The following CHEK1 variants were observed in gnomAD, a reference collection of about 807,000 sequenced individuals.
The protein encoded by CHEK1 is serine/threonine-protein kinase Chk1.
Under a neutral mutation model 60.2 loss-of-function variants are expected in CHEK1, and 32 were observed. That is an observed-to-expected ratio of 0.53 (90% CI 0.40 to 0.71). The LOEUF (loss-of-function observed/expected upper bound fraction) is 0.71. Among genes scored for constraint, CHEK1 ranks in the 30% least tolerant of loss-of-function variants. The probability of loss-of-function intolerance (pLI) is 0.00; values close to 1 mark genes in which losing one functional copy is unlikely to be tolerated. For synonymous variants in CHEK1, 179 were observed against 187.2 expected, an observed-to-expected ratio of 0.96 and a Z score of 0.36; for missense variants, 399 against 564.6, an observed-to-expected ratio of 0.71 and a Z score of 2.97.
intron 11 of CHEK1, among the ~76,000 whole-genome samples, chr11:125,652,891 C>T (rs1419785089): frequency 6.6e-6 from 1 of 152,152 alleles, no homozygotes; most frequent in Admixed American, 6.5e-5. Flanking sequence ...GTATAGTCAT[C>T]CTACAGTGGT....
At chr11:125,626,044 G>C (rs932093933) in intron 1 of CHEK1, 32 bp downstream of exon 1, 2 of 690,922 alleles carry the variant, frequency 2.9e-6, no homozygotes, top group African/African-American at 1.8e-5. Context: ...AGTAGGGAAG[G>C]TTTCTAAAGA....
downstream of CHEK1, chr11:125,680,814 G>A (rs372351446): frequency 2.0e-5 from 32 of 1,579,936 alleles, no homozygotes; most frequent in Middle Eastern, 3.3e-4. Context: ...CCCAGTGTGG[G>A]CCACAGCTTC....
At position 125,626,840 on chromosome 11, in the gene CHEK1, TC is replaced by T; in HGVS notation, c.65+8del. 1 of 1,614,128 alleles carries T rather than the reference TC, an allele frequency of 6.2e-7. No homozygotes were observed. The highest frequency in any genetic ancestry group is 8.5e-7 in the Non-Finnish European group (1 of 1,179,976). ...GAGAAGGTGCCTATGGAGAGTGAGT[TC>T]TTTTAAGCTTGCCTTCGTTTTCTGA... is the stretch of plus-strand genomic sequence containing the variant. On this transcript the variant is annotated splice_region_variant and intron_variant, in intron 2 of 12. Transcript: ENST00000438015.
chr11:125,639,382 CT>C (rs367756024), intron 8 of CHEK1, among the ~76,000 whole-genome samples: 59 of 106,372 alleles, frequency 5.5e-4, no homozygotes, highest in East Asian at 2.8e-3. Flanking sequence ...ATACTTTTCT[CT>C]TTTTTTTTTT....
chr11:125,636,097 A>G (rs1941064043), intron 7 of CHEK1: 1 of 152,140 alleles, frequency 6.6e-6, no homozygotes, highest in Non-Finnish European at 1.5e-5. Flanking sequence ...ATTATAATCT[A>G]ATGGGACTGT....
At chr11:125,676,285 A>C, downstream of CHEK1, 2 of 1,564,890 alleles carry the variant, frequency 1.3e-6, no homozygotes, top group Non-Finnish European at 1.8e-6. Flanking sequence ...GGCCCCTGTC[A>C]TTCCAACTGC....
At chr11:125,672,698 C>A (rs890717192) in intron 13 of CHEK1, 1 of 1,614,108 alleles carries the variant, frequency 6.2e-7, no homozygotes, top group Admixed American at 1.7e-5. Flanking sequence ...ACCCTTGAAC[C>A]ATGAATTGGA....
chr11:125,673,756 A>C (rs1942332623), intron 13 of CHEK1, among the ~76,000 whole-genome samples: 1 of 152,110 alleles, frequency 6.6e-6, no homozygotes, highest in African/African-American at 2.4e-5. Context: ...CACACCTTCA[A>C]AACCTCTGTC....
intron 13 of CHEK1, among the ~76,000 whole-genome samples, chr11:125,665,456 C>T (rs1304902567): frequency 6.6e-6 from 1 of 151,930 alleles, no homozygotes; most frequent in Admixed American, 6.6e-5. Flanking sequence ...TATGTTACAT[C>T]TTTGCCTGAT....
intron 13 of CHEK1, among the ~76,000 whole-genome samples, chr11:125,675,227 C>T (rs1347006660): frequency 6.6e-6 from 1 of 152,198 alleles, no homozygotes; most frequent in Non-Finnish European, 1.5e-5. Flanking sequence ...TCCCTCAAAG[C>T]ATTTTCTGAA....
intron 13 of CHEK1, among the ~76,000 whole-genome samples, chr11:125,670,776 A>C (rs1278737532): frequency 6.6e-6 from 1 of 152,204 alleles, no homozygotes; most frequent in African/African-American, 2.4e-5. Context: ...AGTACCCTCC[A>C]GCATAAGCTC....
rs1201501760 is a variant in CHEK1, at chr11:125,625,820, C to T, written c.-213C>T. 1.6e-5 allele frequency: 11 copies of T among 702,470 alleles called. No homozygotes were observed. Among genetic ancestry groups the T allele is most frequent in the Non-Finnish European group, 2.3e-5 (9 of 384,972 alleles). The allele number at this position is 702,470 out of a possible 1,614,324, so 43.5% of individuals were successfully genotyped here. A position where few individuals can be genotyped will look rare whatever the true frequency, so the allele number is the denominator to read the frequency against. On this transcript the variant is annotated 5_prime_UTR_variant, in exon 1 of 13. Coordinates refer to ENST00000438015, the MANE Select transcript of CHEK1 (RefSeq NM_001114122.3). ...GATCTCTCCCCGACTGCAAAGCAGC[C>T]CTGGGCGGGAGCGGCAACATCTCCA... is the stretch of plus-strand genomic sequence containing the variant.
Position 125,635,508 on chromosome 11 carries a change from G to A in CHEK1, c.693G>A (p.Trp231Ter). The part of the protein sequence containing the change: ...WKEKKTYLNP[W>*]KKIDSAPLAL... ...AAAAAAAAACATACCTCAACCCTTGGAAAAAAATCGATTCTGCTCCTCTAG... is the reference window on the plus strand; with the variant it reads ...AAAAAAAAACATACCTCAACCCTTGAAAAAAAATCGATTCTGCTCCTCTAG... Residue 231 changes from tryptophan to a stop codon, truncating the protein, a stop_gained, in exon 7 of 13, where the codon TGG becomes TGA. Coordinates refer to ENST00000438015, the MANE Select transcript of CHEK1 (RefSeq NM_001114122.3). LOFTEE classifies it high-confidence loss of function. The A allele has an allele frequency of 1.2e-6, 2 of 1,603,086 alleles. No individual in the cohort carries two copies. Among genetic ancestry groups the A allele is most frequent in the Non-Finnish European group, 8.5e-7 (1 of 1,175,456 alleles).
At chr11:125,641,866 A>G (rs547370737) in intron 8 of CHEK1, among the ~76,000 whole-genome samples, 1 of 152,302 alleles carries the variant, frequency 6.6e-6, no homozygotes, top group African/African-American at 2.4e-5. Context: ...TCTGATTTAA[A>G]AGTGAATTAG....
At chr11:125,678,978 T>TATATA, downstream of CHEK1, among the ~76,000 whole-genome samples, 1 of 88,444 alleles carries the variant, frequency 1.1e-5, no homozygotes, top group African/African-American at 4.3e-5. Context: ...TCTAGGCATA[T>TATATA]TATATATATA....
chr11:125,674,778 A>G (rs1942406744), intron 13 of CHEK1, among the ~76,000 whole-genome samples: 1 of 152,198 alleles, frequency 6.6e-6, no homozygotes, highest in Non-Finnish European at 1.5e-5. Context: ...TTTAAAATGC[A>G]TATCATACTG....
At position 125,650,181 on chromosome 11, in the gene CHEK1, A is replaced by G. The variant is rs1325365281; in HGVS notation, c.1234-3565A>G. Among the ~76,000 whole-genome samples the G allele has an allele frequency of 6.7e-5, 10 of 148,754 alleles. No individual in the cohort carries two copies. The East Asian group carries it at 2.0e-3, about 30-fold the overall frequency. On this transcript the variant is annotated intron_variant, in intron 11 of 12. Coordinates refer to ENST00000438015, the MANE Select transcript of CHEK1 (RefSeq NM_001114122.3). ...TATCTAACTCTCCTCTCCCTCTTGGACTCATTATGTTTATTGTTGGTATAC... is the reference window on the plus strand; with the variant it reads ...TATCTAACTCTCCTCTCCCTCTTGGGCTCATTATGTTTATTGTTGGTATAC...
intron 13 of CHEK1, among the ~76,000 whole-genome samples, chr11:125,666,922 A>AT (rs898699237): frequency 5.6e-4 from 60 of 106,712 alleles, no homozygotes; most frequent in Non-Finnish European, 7.1e-4. Flanking sequence ...TTGAATCTTG[A>AT]TTTTTTTTTT....
At chr11:125,642,275 T>A (rs952537095) in intron 8 of CHEK1, among the ~76,000 whole-genome samples, 3 of 152,262 alleles carry the variant, frequency 2.0e-5, no homozygotes, top group Non-Finnish European at 4.4e-5. Context: ...TTTTACTCTC[T>A]TGTGGACATA....
Sources: allele counts gnomAD v4.1 joint callset (sites outside exome capture counted in the v4.1 genomes callset), GRCh38; gene constraint gnomAD v4.1.1; transcripts MANE v1.5; gene names NCBI Gene and HGNC (gene_info 2026-07-23, HGNC 2026-07-21).